The following USH2A variants were observed in gnomAD, a reference collection of about 807,000 sequenced individuals.
USH2A encodes the protein usherin.
In USH2A, 443 loss-of-function variants were observed where a neutral mutation model predicts 538.9. The ratio of observed to expected loss-of-function variants is 0.82; its 90% CI spans 0.76 to 0.89. USH2A has a LOEUF of 0.89. Among genes scored for constraint, USH2A ranks in the 40% least tolerant of loss-of-function variants. The probability of loss-of-function intolerance (pLI) is 0.00; values close to 1 mark genes in which losing one functional copy is unlikely to be tolerated. For synonymous variants in USH2A, 2,413 were observed against 2,273.5 expected, an observed-to-expected ratio of 1.06 and a Z score of -1.75; for missense variants, 6,633 against 6,324.8, an observed-to-expected ratio of 1.05 and a Z score of -1.65.
chr1:215,736,047 G>A (rs1418473017), intron 60 of USH2A, among the ~76,000 whole-genome samples: 2 of 152,080 alleles, frequency 1.3e-5, no homozygotes, highest in African/African-American at 2.4e-5. Flanking sequence ...CATATAACTA[G>A]TAAGTGTTAG....
At chr1:215,919,237 A>T (rs1166801430) in intron 38 of USH2A, among the ~76,000 whole-genome samples, 3 of 152,118 alleles carry the variant, frequency 2.0e-5, no homozygotes, top group African/African-American at 7.2e-5. Context: ...CCATTAAATA[A>T]TGGAGTTCTA....
intron 21 of USH2A, among the ~76,000 whole-genome samples, chr1:216,145,034 T>G (rs1483360586): frequency 6.6e-6 from 1 of 152,144 alleles, no homozygotes; most frequent in African/African-American, 2.4e-5. Flanking sequence ...CTTTGAGGAA[T>G]GTTTTCCTGT....
chr1:215,813,078 C>T (rs375647439), intron 49 of USH2A, among the ~76,000 whole-genome samples: 6 of 152,204 alleles, frequency 3.9e-5, no homozygotes, highest in Non-Finnish European at 5.9e-5. Context: ...ACAGAGCCTG[C>T]GAGAGACTTG....
intron 44 of USH2A, among the ~76,000 whole-genome samples, chr1:215,862,955 T>C (rs1286124762): frequency 1.3e-5 from 2 of 152,126 alleles, no homozygotes; most frequent in Non-Finnish European, 2.9e-5. Flanking sequence ...ATTTTTGTAA[T>C]TAGAAGAATT....
Position 216,405,809 on chromosome 1 carries a change from A to T in USH2A, c.651+12705T>A, listed in dbSNP as rs376043522. Reference sequence around the variant, plus strand: ...CTTCAATGGGTGAAGGGTTAAACAAACCATGGTACCCACATACCGTGGAAT... The same window carrying T: ...CTTCAATGGGTGAAGGGTTAAACAATCCATGGTACCCACATACCGTGGAAT... On this transcript the variant is annotated intron_variant, in intron 3 of 71. Transcript: ENST00000307340. Among the ~76,000 whole-genome samples the T allele has an allele frequency of 2.7e-3, 416 of 152,310 alleles. 4 individuals carry two copies. Among genetic ancestry groups the T allele is most frequent in the African/African-American group, 9.6e-3 (397 of 41,566 alleles).
At chr1:215,640,489 G>C in intron 68 of USH2A, 69 bp downstream of exon 68, 3 of 1,602,576 alleles carry the variant, frequency 1.9e-6, no homozygotes, top group Non-Finnish European at 2.6e-6. Flanking sequence ...TCAGCTTTCA[G>C]ATTTAGCATC....
At chr1:215,781,513 A>T (rs922829582) in intron 54 of USH2A, among the ~76,000 whole-genome samples, 1 of 151,890 alleles carries the variant, frequency 6.6e-6, no homozygotes, top group African/African-American at 2.4e-5. Context: ...TTTATCCCCC[A>T]TGTCTGTTGT....
chr1:216,237,510 A>G lies in USH2A; in HGVS notation c.2810-5374T>C, dbSNP rs941047461. On this transcript the variant is annotated intron_variant, in intron 13 of 71. Transcript: ENST00000307340. ...ACTCCGTCTTAAAAAAAAAAAAAAA[A>G]AAAAGAAAGAAAAAGAAAAAGTTCC... Among the ~76,000 whole-genome samples the G allele has an allele frequency of 7.9e-5, 12 of 151,466 alleles. No homozygotes were observed. In the East Asian group the frequency reaches 2.1e-3, roughly 27 times the overall value.
rs1326316264 is a variant in USH2A, at chr1:216,299,001, C to T, written c.1645-6631G>A. Among the ~76,000 whole-genome samples the T allele has an allele frequency of 4.6e-5, 7 of 152,168 alleles. No individual in the cohort carries two copies. The South Asian group carries it at 8.3e-4, about 18-fold the overall frequency. On this transcript the variant is annotated intron_variant, in intron 9 of 71. Coordinates refer to ENST00000307340, the MANE Select transcript of USH2A (RefSeq NM_206933.4). Reference sequence around the variant, plus strand: ...AACTACAGGCACCTGCCACCACGCCCGGCTAATTTGTTTTGTATTTTTAGT... The same window carrying T: ...AACTACAGGCACCTGCCACCACGCCTGGCTAATTTGTTTTGTATTTTTAGT...
chr1:215,847,243 T>C (rs1017235405), intron 44 of USH2A, among the ~76,000 whole-genome samples: 2 of 152,188 alleles, frequency 1.3e-5, no homozygotes, highest in African/African-American at 2.4e-5. Context: ...GCTGCTCTAC[T>C]TACATCAGTA....
rs192710201 is a variant in USH2A at position 215,777,748 on chromosome 1, C to T, written c.10939+2095G>A. The stretch of plus-strand genomic sequence containing the variant: ...AGCTGGCAATTCATTTTTGGGAGAA[C>T]GAAATGATATTCTGATTTCCTTTCA... On this transcript the variant is annotated intron_variant, in intron 55 of 71. Coordinates refer to ENST00000307340, the MANE Select transcript of USH2A (RefSeq NM_206933.4). Among the ~76,000 whole-genome samples, 13 of 152,298 alleles carry T rather than the reference C, an allele frequency of 8.5e-5. No individual in the cohort carries two copies. In the South Asian group the frequency reaches 1.2e-3, roughly 15 times the overall value.
In USH2A at chr1:215,786,794, G is replaced by T; in HGVS notation, c.10263C>A (p.Thr3421=). Residue 3421 remains threonine (T), a synonymous_variant, in exon 52 of 72, where the codon ACC becomes ACA. Transcript: ENST00000307340. ...EHCGRCDFNF[T]SHICTVIRGS... is the part of the protein sequence containing the mutation. ...CTCTTATCACAGTGCAAATGTGGCTGGTAAAGTTGAAGTCACACCTGCCAC... is the reference window on the plus strand; with the variant it reads ...CTCTTATCACAGTGCAAATGTGGCTTGTAAAGTTGAAGTCACACCTGCCAC... 1.2e-6 allele frequency: 2 copies of T among 1,613,674 alleles called. No individual in the cohort carries two copies. Among genetic ancestry groups the T allele is most frequent in the Non-Finnish European group, 1.7e-6 (2 of 1,179,880 alleles).
At chr1:215,631,145 G>A (rs911135854) in intron 70 of USH2A, among the ~76,000 whole-genome samples, 2 of 152,098 alleles carry the variant, frequency 1.3e-5, no homozygotes, top group East Asian at 3.9e-4. Context: ...TGTTCAAAGG[G>A]TATCTTACCT....
intron 61 of USH2A, among the ~76,000 whole-genome samples, chr1:215,722,303 T>C (rs774287971): frequency 1.3e-5 from 2 of 152,120 alleles, no homozygotes; most frequent in Non-Finnish European, 2.9e-5. Context: ...AAGCTACATC[T>C]CCCAGAGTAT....
At chr1:216,418,062 C>T (rs1369420816) in intron 3 of USH2A, among the ~76,000 whole-genome samples, 2 of 152,152 alleles carry the variant, frequency 1.3e-5, no homozygotes, top group East Asian at 1.9e-4. Context: ...TTCATTAGTT[C>T]TAAGGTCACC....
At chr1:215,777,249 T>C (rs894565620) in intron 55 of USH2A, among the ~76,000 whole-genome samples, 9 of 152,168 alleles carry the variant, frequency 5.9e-5, no homozygotes, top group African/African-American at 1.7e-4. Flanking sequence ...ATTAAAAATG[T>C]CAATGAAAGG....
At chr1:215,718,621 C>T (rs771046846) in intron 61 of USH2A, among the ~76,000 whole-genome samples, 1 of 152,216 alleles carries the variant, frequency 6.6e-6, no homozygotes, top group Non-Finnish European at 1.5e-5. Flanking sequence ...TGAACAGCTG[C>T]TGAATTTCAC....
intron 21 of USH2A, among the ~76,000 whole-genome samples, chr1:216,115,590 TTC>T (rs2032988271): frequency 6.6e-6 from 1 of 152,200 alleles, no homozygotes; most frequent in South Asian, 2.1e-4. Flanking sequence ...GTAAAAATGC[TTC>T]TTATTCAGAA....
At chr1:215,889,797 T>C (rs775051512) in intron 40 of USH2A, among the ~76,000 whole-genome samples, 2 of 152,180 alleles carry the variant, frequency 1.3e-5, no homozygotes, top group African/African-American at 2.4e-5. Context: ...ATAGGTGTTG[T>C]GGAACAGCAA....
Sources: gnomAD v4.1 joint callset for allele counts (sites outside exome capture counted in the v4.1 genomes callset) on GRCh38, gnomAD v4.1.1 for gene constraint, MANE v1.5 for transcripts, NCBI Gene and HGNC (gene_info 2026-07-23, HGNC 2026-07-21) for gene names.